The following LSM4 variants were observed in gnomAD, a reference collection of about 807,000 sequenced individuals.
The protein encoded by LSM4 is LSM4 homolog, U6 small nuclear RNA and mRNA degradation associated.
Under a neutral mutation model 22.3 loss-of-function variants are expected in LSM4, and 15 were observed. That is an observed-to-expected ratio of 0.67 (90% CI 0.45 to 1.03). The LOEUF (loss-of-function observed/expected upper bound fraction) is 1.03, where lower values mean the gene tolerates loss of function less well. Ranked by LOEUF, LSM4 falls within the 50% of genes least tolerant of loss-of-function variation. The pLI is 0.00. For missense variants in LSM4, 127 were observed against 198.0 expected (o/e 0.64, Z 2.15); for synonymous variants, 90 against 79.8 (o/e 1.13, Z -0.68).
chr19:18,312,492 C>G, intron 3 of LSM4, 112 bp downstream of exon 3: 1 of 842,092 alleles, frequency 1.2e-6, no homozygotes, highest in Non-Finnish European at 2.0e-6. Context: ...GAAGGACGAG[C>G]AGTCCTAGGC....
Position 18,310,845 on chromosome 19 carries a change from G to A in LSM4, c.145-984C>T, listed in dbSNP as rs528255508. ...CGCCCTGGCGGTCCTCTCCCAGCCC[G>A]ACGACACTCCCTCCAGATGGAACTT... On this transcript the variant is annotated intron_variant, in intron 3 of 4. Coordinates refer to ENST00000593829, the MANE Select transcript of LSM4 (RefSeq NM_012321.5). Among the ~76,000 whole-genome samples the A allele has an allele frequency of 2.0e-4, 31 of 152,290 alleles. No individual in the cohort carries two copies. The South Asian group carries it at 4.6e-3, about 22-fold the overall frequency.
chr19:18,314,386 G>A (rs1337984645), intron 2 of LSM4, among the ~76,000 whole-genome samples: 1 of 151,818 alleles, frequency 6.6e-6, no homozygotes, highest in East Asian at 2.0e-4. Context: ...AATTAGCCAG[G>A]CGTGGTGGCG....
Position 18,316,014 on chromosome 19 carries a change from G to A in LSM4, c.45+10C>T. Reference sequence around the variant, plus strand: ...CTCAAACAGGCTTTCCCAGACCACTGAGTACTCACCATGGGGTGATTCTGA... The same window carrying A: ...CTCAAACAGGCTTTCCCAGACCACTAAGTACTCACCATGGGGTGATTCTGA... On this transcript the variant is annotated intron_variant, in intron 2 of 4. Transcript: ENST00000593829. The A allele has an allele frequency of 6.2e-7, 1 of 1,613,140 alleles. No individual in the cohort carries two copies. The highest frequency in any genetic ancestry group is 1.1e-5 in the South Asian group (1 of 91,008).
In LSM4 at chr19:18,307,194, A is replaced by G. The variant is rs1970236202; in HGVS notation, c.*270T>C. ...CCTGAGAACCAGAGCGAGGGCTTGA[A>G]AGATGCCTTCAACACAGACTCTTCT... On this transcript the variant is annotated 3_prime_UTR_variant, in exon 5 of 5. Transcript: ENST00000593829. The G allele has an allele frequency of 2.7e-6, 1 of 374,466 alleles. No homozygotes were observed. Among genetic ancestry groups the G allele is most frequent in the Non-Finnish European group, 4.8e-6 (1 of 210,114 alleles). 23.2% of individuals were successfully genotyped at this position (374,466 alleles called of 1,614,324 possible).
Position 18,307,400 on chromosome 19 carries a change from G to T in LSM4, c.*64C>A, listed in dbSNP as rs138062991. 1.5e-6 allele frequency: 2 copies of T among 1,366,862 alleles called. No individual in the cohort carries two copies. Among genetic ancestry groups the T allele is most frequent in the Non-Finnish European group, 1.9e-6 (2 of 1,032,590 alleles). 84.7% of individuals were successfully genotyped at this position (1,366,862 alleles called of 1,614,324 possible). A position where few individuals can be genotyped will look rare whatever the true frequency, so the allele number is the denominator to read the frequency against. On this transcript the variant is annotated 3_prime_UTR_variant, in exon 5 of 5. Transcript: ENST00000593829. ...TCTTCCTTTCTGAGCAGATCCGTCC[G>T]AGACTGTGGAGCGGAATCGCCACCC...
chr19:18,313,740 T>C (rs1486639355), intron 2 of LSM4, among the ~76,000 whole-genome samples: 1 of 152,164 alleles, frequency 6.6e-6, no homozygotes, highest in East Asian at 1.9e-4. Flanking sequence ...GGTCCCAAAC[T>C]CCTGGGCTCA....
intron 1 of LSM4, among the ~76,000 whole-genome samples, chr19:18,317,963 G>A (rs192102866): frequency 1.2e-3 from 180 of 152,300 alleles, no homozygotes; most frequent in African/African-American, 3.9e-3. Context: ...GAGCTGCCTC[G>A]GGTAACGCAG....
In LSM4 at chr19:18,316,508, C is replaced by T. The variant is rs185264777; in HGVS notation, c.4-443G>A. On this transcript the variant is annotated intron_variant, in intron 1 of 4. Transcript: ENST00000593829. ...GACAACAGGCATGCGTCACCACACC[C>T]AGCAAATTTTTGTATTTTTAATAAA... 2.2e-3 allele frequency among the ~76,000 whole-genome samples: 332 copies of T among 152,122 alleles called. 5 individuals carry two copies. Among genetic ancestry groups the T allele is most frequent in the African/African-American group, 7.3e-3 (304 of 41,504 alleles).
At chr19:18,314,189 C>G (rs956680365) in intron 2 of LSM4, among the ~76,000 whole-genome samples, 1 of 151,990 alleles carries the variant, frequency 6.6e-6, no homozygotes, top group African/African-American at 2.4e-5. Flanking sequence ...TTCGCAATAG[C>G]CAAAAAGGGG....
chr19:18,321,900 TC>T (rs543482833), intron 1 of LSM4, among the ~76,000 whole-genome samples: 1 of 152,134 alleles, frequency 6.6e-6, no homozygotes, highest in South Asian at 2.1e-4. Context: ...ACTCCCCACT[TC>T]CTGAGCCCCT....
chr19:18,322,792 G>C (rs1358842533), intron 1 of LSM4, among the ~76,000 whole-genome samples: 1 of 151,830 alleles, frequency 6.6e-6, no homozygotes, highest in East Asian at 1.9e-4. Context: ...CGAGGCCACT[G>C]TACTGTGGAT....
Position 18,309,811 on chromosome 19 carries a change from G to A in LSM4, c.195C>T (p.Thr65=). The A allele has an allele frequency of 6.2e-7, 1 of 1,613,876 alleles. No homozygotes were observed. Among genetic ancestry groups the A allele is most frequent in the Non-Finnish European group, 8.5e-7 (1 of 1,179,928 alleles). Residue 65 remains threonine (T), a synonymous_variant, in exon 4 of 5, where the codon ACC becomes ACT. Transcript: ENST00000593829. ...RMPECYIRGS[T]IKYLRIPDEI... ...CGTCGGGGATGCGCAGGTACTTGAT[G>A]GTGCTGCCGCGGATGTAGCACTCGG... is the stretch of plus-strand genomic sequence containing the variant.
chr19:18,312,336 G>T, intron 3 of LSM4: 1 of 414,426 alleles, frequency 2.4e-6, no homozygotes, highest in Non-Finnish European at 4.5e-6. Flanking sequence ...GAGCCACAGG[G>T]AGTCCCCAGT....
intron 1 of LSM4, among the ~76,000 whole-genome samples, chr19:18,320,460 G>GC (rs769655798): frequency 2.6e-5 from 4 of 151,970 alleles, no homozygotes; most frequent in Admixed American, 6.6e-5. Flanking sequence ...TAGTGATTGT[G>GC]CCACTGCACT....
At chr19:18,312,739 T>G (rs1445604412) in intron 2 of LSM4, 37 bp from the exon 3 acceptor site, 2 of 1,506,852 alleles carry the variant, frequency 1.3e-6, no homozygotes, top group African/African-American at 2.7e-5. Context: ...GCTGTAGCCC[T>G]GGAGCCCTGC....
chr19:18,309,324 C>G (rs1025844844), intron 4 of LSM4: 2 of 284,796 alleles, frequency 7.0e-6, no homozygotes, highest in Admixed American at 1.1e-4. Flanking sequence ...TTCATCATCT[C>G]CGGTGGGGGC....
At chr19:18,316,167 A>C (rs1216374899) in intron 1 of LSM4, 102 bp from the exon 2 acceptor site, 1 of 1,025,860 alleles carries the variant, frequency 9.7e-7, no homozygotes, top group Admixed American at 2.0e-5. Context: ...GGTGCGGTTG[A>C]GGGGGCACAG....
chr19:18,315,264 C>T (rs1267024064), intron 2 of LSM4, among the ~76,000 whole-genome samples: 1 of 152,092 alleles, frequency 6.6e-6, no homozygotes, highest in African/African-American at 2.4e-5. Context: ...ATCCTCCTGC[C>T]TTAGGCTCCC....
At chr19:18,310,189 G>A in intron 3 of LSM4, 1 of 349,474 alleles carries the variant, frequency 2.9e-6, no homozygotes, top group Non-Finnish European at 5.2e-6. Flanking sequence ...CCTGGGATGG[G>A]GCTCTCTCTG....
Sources: allele counts gnomAD v4.1 joint callset (sites outside exome capture counted in the v4.1 genomes callset), GRCh38; gene constraint gnomAD v4.1.1; transcripts MANE v1.5; gene names NCBI Gene and HGNC (gene_info 2026-07-23, HGNC 2026-07-21).